Variants in RBFOX1 observed in about 807,000 individuals in gnomAD.
The protein encoded by RBFOX1 is RNA binding protein fox-1 homolog 1.
A neutral mutation model predicts 57.7 loss-of-function variants in RBFOX1; 8 were observed. The observed-to-expected ratio is 0.14, with a 90% confidence interval of 0.08 to 0.25. The LOEUF is 0.25. RBFOX1 is among the 10% of genes least tolerant of loss of function. RBFOX1 has a pLI of 1.00. For synonymous variants in RBFOX1, 326 were observed against 222.4 expected, an observed-to-expected ratio of 1.47 and a Z score of -4.15; for missense variants, 611 against 548.5, an observed-to-expected ratio of 1.11 and a Z score of -1.14.
intron 3 of RBFOX1, among the ~76,000 whole-genome samples, chr16:5,758,953 GA>G (rs925065564): frequency 4.6e-5 from 7 of 152,226 alleles, no homozygotes; most frequent in African/African-American, 1.7e-4. Context: ...TGGGTTGTGA[GA>G]GGGGCAGTGT....
At chr16:7,092,847 G>T (rs1330479527) in intron 4 of RBFOX1, among the ~76,000 whole-genome samples, 1 of 152,182 alleles carries the variant, frequency 6.6e-6, no homozygotes, top group Non-Finnish European at 1.5e-5. Context: ...CCAAATCGAA[G>T]GCTGGGACAT....
intron 1 of RBFOX1, among the ~76,000 whole-genome samples, chr16:5,455,021 T>TTCTTTCTCTC (rs1317448150): frequency 2.7e-5 from 3 of 113,122 alleles, no homozygotes; most frequent in Non-Finnish European, 3.7e-5. Context: ...CTTTCTTTCT[T>TTCTTTCTCTC]TCTCTCTCTC....
chr16:6,036,758 C>A (rs952477491), intron 1 of RBFOX1, among the ~76,000 whole-genome samples: 2 of 152,166 alleles, frequency 1.3e-5, no homozygotes, highest in Non-Finnish European at 2.9e-5. Flanking sequence ...CAGTGAACTT[C>A]AAGGGCTTGA....
intron 3 of RBFOX1, among the ~76,000 whole-genome samples, chr16:5,782,997 G>T (rs952293720): frequency 3.9e-5 from 6 of 152,130 alleles, no homozygotes; most frequent in African/African-American, 1.4e-4. Flanking sequence ...CGAGTCCACT[G>T]ATTTAAATAC....
chr16:5,889,313 C>T (rs963740332), intron 4 of RBFOX1, among the ~76,000 whole-genome samples: 9 of 152,184 alleles, frequency 5.9e-5, no homozygotes, highest in Non-Finnish European at 1.2e-4. Context: ...TAAGTGAGAA[C>T]ACGTGGTGTT....
In RBFOX1 at chr16:5,628,453, C is replaced by G. The variant is rs75794580; in HGVS notation, c.318+29492C>G. ...TAACTGATATAACCATAGTGATCAC[C>G]ATAGTGATCATGCTGTGTTTGTTTA... On this transcript the variant is annotated intron_variant, in intron 3 of 19. Coordinates refer to the RBFOX1 transcript ENST00000641259. Among the ~76,000 whole-genome samples the G allele has an allele frequency of 9.0e-3, 1,365 of 152,168 alleles. 29 individuals are homozygous for G. In the East Asian group the frequency reaches 0.1, roughly 11 times the overall value.
intron 3 of RBFOX1, among the ~76,000 whole-genome samples, chr16:7,046,302 A>T (rs2047921566): frequency 6.6e-6 from 1 of 150,824 alleles, no homozygotes; most frequent in South Asian, 2.1e-4. Flanking sequence ...TTTGTTCTGG[A>T]TGTTTCACTT....
Position 6,423,265 on chromosome 16 carries a change from G to C in RBFOX1, c.-64+106208G>C, listed in dbSNP as rs139551619. 3.3e-5 allele frequency among the ~76,000 whole-genome samples: 5 copies of C among 152,274 alleles called. No individual in the cohort carries two copies. In the East Asian group the frequency reaches 9.7e-4, roughly 30 times the overall value. ...TCCGCAAGCTGCAGAGAAACTTTTT[G>C]AGAGTTTGATAATAAATCTTGCCAT... On this transcript the variant is annotated intron_variant, in intron 2 of 15. Coordinates refer to ENST00000550418, the MANE Select transcript of RBFOX1 (RefSeq NM_018723.4).
chr16:6,179,746 G>GC (rs1440085627), intron 1 of RBFOX1, among the ~76,000 whole-genome samples: 1 of 152,082 alleles, frequency 6.6e-6, no homozygotes, highest in Non-Finnish European at 1.5e-5. Flanking sequence ...GGAAAATTAG[G>GC]CCAAAACTTA....
chr16:6,851,713 C>G (rs1052610025), intron 3 of RBFOX1, among the ~76,000 whole-genome samples: 8 of 152,190 alleles, frequency 5.3e-5, no homozygotes, highest in African/African-American at 1.9e-4. Context: ...AGGCAAAGGA[C>G]TTTGGCAAAT....
chr16:5,898,022 G>C (rs1303360372), intron 4 of RBFOX1, among the ~76,000 whole-genome samples: 3 of 152,090 alleles, frequency 2.0e-5, no homozygotes, highest in Admixed American at 2.0e-4. Flanking sequence ...TATAAGGAAA[G>C]AGGTTTAATT....
intron 4 of RBFOX1, among the ~76,000 whole-genome samples, chr16:7,244,296 C>T (rs888891411): frequency 7.0e-6 from 1 of 143,162 alleles, no homozygotes; most frequent in Middle Eastern, 3.6e-3. Context: ...TCATTAACTA[C>T]ACTTCAGTCC....
At chr16:6,073,394 T>A (rs2095859550) in intron 1 of RBFOX1, among the ~76,000 whole-genome samples, 1 of 152,220 alleles carries the variant, frequency 6.6e-6, no homozygotes, top group African/African-American at 2.4e-5. Flanking sequence ...TAGGTACTTC[T>A]ATCTCTTAAC....
chr16:6,153,703 T>C (rs1005800221), intron 1 of RBFOX1, among the ~76,000 whole-genome samples: 2 of 152,106 alleles, frequency 1.3e-5, no homozygotes, highest in Non-Finnish European at 2.9e-5. Context: ...GCCTGGCTAA[T>C]TTTTGTATTT....
intron 5 of RBFOX1, among the ~76,000 whole-genome samples, chr16:7,547,338 TCAA>T (rs1314571681): frequency 6.6e-6 from 1 of 152,188 alleles, no homozygotes; most frequent in Non-Finnish European, 1.5e-5. Flanking sequence ...GGCCACTAAC[TCAA>T]CAAGTGTATA....
chr16:7,412,115 A>C (rs1038175470), intron 4 of RBFOX1, among the ~76,000 whole-genome samples: 2 of 152,218 alleles, frequency 1.3e-5, no homozygotes, highest in Admixed American at 6.5e-5. Context: ...GTGAACATGT[A>C]CCATGCTACT....
At chr16:6,747,677 T>C (rs2074035754) in intron 3 of RBFOX1, among the ~76,000 whole-genome samples, 1 of 152,172 alleles carries the variant, frequency 6.6e-6, no homozygotes, top group East Asian at 1.9e-4. Context: ...TACTATGTCC[T>C]TCTGATTGCT....
chr16:6,263,760 A>G (rs1031832320), intron 1 of RBFOX1, among the ~76,000 whole-genome samples: 2 of 152,124 alleles, frequency 1.3e-5, no homozygotes, highest in South Asian at 2.1e-4. Flanking sequence ...GCACCCTGCC[A>G]TGGTTTTTTA....
intron 3 of RBFOX1, among the ~76,000 whole-genome samples, chr16:6,889,320 A>G (rs1002369458): frequency 2.6e-5 from 4 of 152,194 alleles, no homozygotes; most frequent in Non-Finnish European, 5.9e-5. Flanking sequence ...TGTCACTTTC[A>G]AGTGGAAAAT....
Sources: gnomAD v4.1 joint callset for allele counts (sites outside exome capture counted in the v4.1 genomes callset) on GRCh38, gnomAD v4.1.1 for gene constraint, MANE v1.5 for transcripts, NCBI Gene and HGNC (gene_info 2026-07-23, HGNC 2026-07-21) for gene names.